F13A1: variants seen among roughly 807,000 people sequenced by gnomAD.
The protein encoded by F13A1 is coagulation factor XIII A chain.
Under a neutral mutation model 80.1 loss-of-function variants are expected in F13A1, and 47 were observed. That is an observed-to-expected ratio of 0.59 (90% CI 0.46 to 0.75). The LOEUF is 0.75. Among genes scored for constraint, F13A1 ranks in the 30% least tolerant of loss-of-function variants. The pLI is 0.00. For missense variants in F13A1, 817 were observed against 930.4 expected (o/e 0.88, Z 1.59); for synonymous variants, 349 against 344.9 (o/e 1.01, Z -0.13).
chr6:6,151,983 T>C (rs1041463328), intron 13 of F13A1, 34 bp from the exon 14 acceptor site: 21 of 1,612,502 alleles, frequency 1.3e-5, no homozygotes, highest in Non-Finnish European at 1.6e-5. Context: ...TAGCACCAAA[T>C]AAAACCTCGT....
intron 3 of F13A1, among the ~76,000 whole-genome samples, chr6:6,285,492 C>T (rs1758124931): frequency 6.6e-6 from 1 of 152,248 alleles, no homozygotes; most frequent in Non-Finnish European, 1.5e-5. Flanking sequence ...AGGCTTTAGC[C>T]AGAGATGGGC....
chr6:6,192,810 A>ATG (rs894948829), intron 10 of F13A1, among the ~76,000 whole-genome samples: 1 of 152,024 alleles, frequency 6.6e-6, no homozygotes, highest in African/African-American at 2.4e-5. Flanking sequence ...GTGTGCATGC[A>ATG]TGTGTGTGTG....
intron 3 of F13A1, among the ~76,000 whole-genome samples, chr6:6,273,803 C>T (rs1757952424): frequency 6.6e-6 from 1 of 152,114 alleles, no homozygotes. Context: ...TGCTAACAGT[C>T]TTAGGATGGA....
intron 13 of F13A1, among the ~76,000 whole-genome samples, chr6:6,153,236 A>C (rs777333271): frequency 3.9e-5 from 6 of 152,216 alleles, no homozygotes; most frequent in Non-Finnish European, 7.3e-5. Context: ...AATATGGGAG[A>C]AAATATATGG....
intron 3 of F13A1, among the ~76,000 whole-genome samples, chr6:6,298,456 G>A (rs900905876): frequency 6.7e-6 from 1 of 150,126 alleles, no homozygotes; most frequent in Admixed American, 6.6e-5. Flanking sequence ...TATAAATTTA[G>A]GAGAGTTAGC....
At chr6:6,212,914 G>C (rs1000679382) in intron 8 of F13A1, among the ~76,000 whole-genome samples, 53 of 152,324 alleles carry the variant, frequency 3.5e-4, no homozygotes, top group Admixed American at 1.8e-3. Context: ...CGATCAACTG[G>C]AAGAAAGGGT....
At chr6:6,210,323 T>TGA (rs1324594074) in intron 8 of F13A1, among the ~76,000 whole-genome samples, 7 of 50,176 alleles carry the variant, frequency 1.4e-4, no homozygotes, top group Non-Finnish European at 1.5e-4. Context: ...TTGTAGCATG[T>TGA]GATATATATA....
At chr6:6,294,519 A>AACAC (rs1364707307) in intron 3 of F13A1, among the ~76,000 whole-genome samples, 2 of 144,410 alleles carry the variant, frequency 1.4e-5, no homozygotes, top group African/African-American at 5.8e-5. Context: ...ATATACACAC[A>AACAC]ACACTCACAC....
intron 3 of F13A1, among the ~76,000 whole-genome samples, chr6:6,281,089 A>G (rs962810631): frequency 3.3e-5 from 5 of 152,206 alleles, no homozygotes; most frequent in Non-Finnish European, 7.3e-5. Context: ...AACTCGTTCT[A>G]AGGGAACTGG....
At chr6:6,320,190 G>C (rs1284791387) in intron 1 of F13A1, among the ~76,000 whole-genome samples, 1 of 152,176 alleles carries the variant, frequency 6.6e-6, no homozygotes, top group Non-Finnish European at 1.5e-5. Context: ...CGCAGGAGTG[G>C]GGAGCCAAGC....
intron 10 of F13A1, among the ~76,000 whole-genome samples, chr6:6,185,674 A>G (rs944279853): frequency 5.9e-5 from 9 of 152,028 alleles, no homozygotes; most frequent in Non-Finnish European, 4.4e-5. Context: ...TAATGCCGCA[A>G]TAAACATATG....
chr6:6,300,732 T>A (rs1583120252), intron 3 of F13A1, among the ~76,000 whole-genome samples: 1 of 152,172 alleles, frequency 6.6e-6, no homozygotes, highest in Non-Finnish European at 1.5e-5. Flanking sequence ...GCTGTAGACC[T>A]GAGCTGTTCC....
At chr6:6,200,997 G>A (rs567989232) in intron 8 of F13A1, among the ~76,000 whole-genome samples, 9 of 152,250 alleles carry the variant, frequency 5.9e-5, no homozygotes, top group African/African-American at 2.2e-4. Flanking sequence ...GAAGGACCCA[G>A]GGAAAAACAG....
rs144471507 is a variant in F13A1 at position 6,205,551 on chromosome 6, C to T, written c.1113-8225G>A. Among the ~76,000 whole-genome samples, 478 of 152,288 alleles carry T rather than the reference C, an allele frequency of 3.1e-3. 4 individuals are homozygous for T. The highest frequency in any genetic ancestry group is 0.01 in the African/African-American group (416 of 41,550). On this transcript the variant is annotated intron_variant, in intron 8 of 14. Transcript: ENST00000264870. ...CTTAGTCCTGAGAGTACAGCCTTTC[C>T]ACTCTCTTCTTAAGCTTCCAAGAAC... is the stretch of plus-strand genomic sequence containing the variant.
At position 6,145,727 on chromosome 6, in the gene F13A1, CCGGCACACTTCTTCCCACTGCA is replaced by C; in HGVS notation, c.2069_2090del (p.Val690GlyfsTer10). The C allele has an allele frequency of 6.2e-7, 1 of 1,614,100 alleles. No individual in the cohort carries two copies. The highest frequency in any genetic ancestry group is 2.2e-5 in the East Asian group (1 of 44,870). On this transcript the variant is annotated frameshift_variant, in exon 15 of 15. Transcript: ENST00000264870. LOFTEE classifies it high-confidence loss of function. Reference sequence around the variant, plus strand: ...GCTTCCGATGCCCAGAGACCCAGGGCCGGCACACTTCTTCCCACTGCACGGTGGAGTTGGGCCGGATTTCACT... The same window carrying C: ...GCTTCCGATGCCCAGAGACCCAGGGCCGGTGGAGTTGGGCCGGATTTCACT...
intron 6 of F13A1, among the ~76,000 whole-genome samples, chr6:6,237,440 G>C (rs147747130): frequency 6.6e-6 from 1 of 152,214 alleles, no homozygotes; most frequent in African/African-American, 2.4e-5. Context: ...TTGGTCGAAA[G>C]GAAAGGAAAA....
chr6:6,259,882 A>G (rs1757754996), intron 4 of F13A1, among the ~76,000 whole-genome samples: 1 of 152,352 alleles, frequency 6.6e-6, no homozygotes, highest in African/African-American at 2.4e-5. Context: ...CTGCTTCTCC[A>G]GAGTACTAGG....
At chr6:6,224,474 C>A (rs1176352381) in intron 7 of F13A1, among the ~76,000 whole-genome samples, 2 of 152,066 alleles carry the variant, frequency 1.3e-5, no homozygotes, top group East Asian at 3.9e-4. Context: ...GTCTATCATT[C>A]TTTCTATAAA....
intron 4 of F13A1, among the ~76,000 whole-genome samples, chr6:6,257,723 A>C (rs1208341808): frequency 6.6e-6 from 1 of 152,186 alleles, no homozygotes. Context: ...TGCATAGTAC[A>C]ACATAGTTTA....
Sources: gnomAD v4.1 joint callset for allele counts (sites outside exome capture counted in the v4.1 genomes callset) on GRCh38, gnomAD v4.1.1 for gene constraint, MANE v1.5 for transcripts, NCBI Gene and HGNC (gene_info 2026-07-23, HGNC 2026-07-21) for gene names.